SLC16A2: variants seen among roughly 807,000 people sequenced by gnomAD.
SLC16A2 encodes the protein solute carrier family 16 member 2.
Under a neutral mutation model 27.2 loss-of-function variants are expected in SLC16A2, and 3 were observed. The observed-to-expected ratio is 0.11, with a 90% CI of 0.05 to 0.28. The LOEUF (loss-of-function observed/expected upper bound fraction) is 0.28, where lower values mean the gene tolerates loss of function less well. SLC16A2 is among the 10% of genes least tolerant of loss of function. The pLI, the probability that SLC16A2 is intolerant of heterozygous loss-of-function variation, is 1.00. For missense variants in SLC16A2, 295 were observed against 458.5 expected (o/e 0.64, Z 3.26); for synonymous variants, 202 against 187.8 (o/e 1.08, Z -0.62).
chrX:74,489,962 CACACACAT>C (rs1306573758), intron 1 of SLC16A2, among the ~76,000 whole-genome samples: 35 of 41,248 alleles, frequency 8.5e-4, no homozygotes, highest in African/African-American at 3.3e-3. Context: ...TTATAAAGGT[CACACACAT>C]ACACACACAC....
chrX:74,438,538 A>T (rs1430046997), intron 1 of SLC16A2, among the ~76,000 whole-genome samples: 2 of 112,705 alleles, frequency 1.8e-5, no homozygotes, highest in East Asian at 5.6e-4. Context: ...GTGCATACAC[A>T]TACACATTTA....
chrX:74,483,395 G>C (rs937250193), intron 1 of SLC16A2, among the ~76,000 whole-genome samples: 8 of 111,361 alleles, frequency 7.2e-5, no homozygotes, highest in African/African-American at 2.6e-4. Flanking sequence ...ACCCTAAAAG[G>C]GTTCTTCTTA....
At chrX:74,491,690 A>G (rs1180189085) in intron 1 of SLC16A2, among the ~76,000 whole-genome samples, 1 of 112,364 alleles carries the variant, frequency 8.9e-6, no homozygotes, top group Non-Finnish European at 1.9e-5. Context: ...TTTTTGGTTT[A>G]CAGATGGGAG....
At chrX:74,455,262 C>G (rs773747419) in intron 1 of SLC16A2, among the ~76,000 whole-genome samples, 1 of 111,250 alleles carries the variant, frequency 9.0e-6, no homozygotes, top group East Asian at 2.8e-4. Flanking sequence ...AAATACTATA[C>G]GCTTTCATAT....
At chrX:74,488,916 T>G (rs1427345668) in intron 1 of SLC16A2, among the ~76,000 whole-genome samples, 1 of 112,001 alleles carries the variant, frequency 8.9e-6, no homozygotes, top group African/African-American at 3.2e-5. Flanking sequence ...ATATTTACCT[T>G]TTAATAAGAA....
intron 1 of SLC16A2, among the ~76,000 whole-genome samples, chrX:74,485,753 A>T (rs1427638650): frequency 1.8e-5 from 2 of 110,494 alleles, no homozygotes; most frequent in East Asian, 5.6e-4. Context: ...GAACCCGAGC[A>T]CTTAGCCATG....
Position 74,421,906 on chromosome X carries a change from G to A in SLC16A2, c.269G>A (p.Arg90His), listed in dbSNP as rs1205589862. The change falls in exon 1 of 6, where the codon CGC becomes CAC. Residue 90 changes from arginine to histidine, a missense_variant. Arg to His is a conservative substitution (Grantham distance 29, BLOSUM62 0). Around this residue, in one of 3 missense-constraint regions of SLC16A2, gnomAD observed 92 missense variants for 85.1 expected, o/e 1.08. Coordinates refer to ENST00000587091, the MANE Select transcript of SLC16A2 (RefSeq NM_006517.5). Reference sequence around the variant, plus strand: ...ACGGTAGAGACCCGCGGCACCGCGCGCGGCTTCCAGCCTCCCGAAGGTGGC... The same window carrying A: ...ACGGTAGAGACCCGCGGCACCGCGCACGGCTTCCAGCCTCCCGAAGGTGGC... ...TPTVETRGTA[R>H]GFQPPEGGFG... The A allele has an allele frequency of 5.0e-6, 6 of 1,209,376 alleles. No homozygotes were observed. In the South Asian group the frequency reaches 5.3e-5, roughly 11 times the overall value.
chrX:74,463,637 C>T (rs1358715383), intron 1 of SLC16A2, among the ~76,000 whole-genome samples: 2 of 110,988 alleles, frequency 1.8e-5, no homozygotes, highest in African/African-American at 3.3e-5. Context: ...TGCCATTCTC[C>T]TGCCTCAGCC....
chrX:74,478,874 T>C (rs1164898979), intron 1 of SLC16A2, among the ~76,000 whole-genome samples: 7 of 111,919 alleles, frequency 6.3e-5, no homozygotes, highest in African/African-American at 2.3e-4. Context: ...GATGGGCTTC[T>C]CTTTGTGGGT....
At chrX:74,509,036 A>G (rs1168630417) in intron 1 of SLC16A2, among the ~76,000 whole-genome samples, 3 of 110,594 alleles carry the variant, frequency 2.7e-5, no homozygotes, top group African/African-American at 9.9e-5. Flanking sequence ...GATCACACTC[A>G]CTGTAGCCTC....
chrX:74,520,162 G>C (rs1272398555), intron 1 of SLC16A2, among the ~76,000 whole-genome samples: 1 of 112,269 alleles, frequency 8.9e-6, no homozygotes, highest in Non-Finnish European at 1.9e-5. Flanking sequence ...TGATGATGAA[G>C]AGCTGGAAGT....
At chrX:74,467,858 C>T (rs757477974) in intron 1 of SLC16A2, among the ~76,000 whole-genome samples, 11 of 110,990 alleles carry the variant, frequency 9.9e-5, no homozygotes, top group Non-Finnish European at 1.9e-4. Flanking sequence ...CTGGCCATGC[C>T]ATTCAAGTTC....
At chrX:74,437,917 C>T (rs1291249225) in intron 1 of SLC16A2, among the ~76,000 whole-genome samples, 1 of 112,107 alleles carries the variant, frequency 8.9e-6, no homozygotes, top group Non-Finnish European at 1.9e-5. Context: ...ATCTGTGTCC[C>T]ATGAGTGGAT....
intron 2 of SLC16A2, among the ~76,000 whole-genome samples, chrX:74,523,618 A>C (rs368593831): frequency 1.8e-5 from 2 of 111,357 alleles, no homozygotes; most frequent in African/African-American, 6.5e-5. Flanking sequence ...CAGGCCCACA[A>C]ATTCTTTGAG....
intron 1 of SLC16A2, among the ~76,000 whole-genome samples, chrX:74,436,780 G>C (rs1178850210): frequency 8.9e-6 from 1 of 111,900 alleles, no homozygotes; most frequent in Non-Finnish European, 1.9e-5. Flanking sequence ...GAAATTTAGG[G>C]AGTTAGGGGT....
intron 1 of SLC16A2, among the ~76,000 whole-genome samples, chrX:74,513,473 A>G (rs1464886681): frequency 8.9e-6 from 1 of 112,301 alleles, no homozygotes; most frequent in Non-Finnish European, 1.9e-5. Flanking sequence ...GGGAAACTGA[A>G]TATAAGAAAG....
rs1397774273 is a variant in SLC16A2 at position 74,421,704 on chromosome X, C to A, written c.67C>A (p.Gln23Lys). ...GPWQEADQEQQEPVGSPEPES... is the reference protein window; with the variant it reads ...GPWQEADQEQKEPVGSPEPES... ...CTGGCAGGAGGCAGACCAGGAACAG[C>A]AGGAGCCGGTGGGTAGCCCAGAGCC... Residue 23 changes from glutamine (Q) to lysine (K), a missense_variant, in exon 1 of 6, where the codon CAG becomes AAG. Transcript: ENST00000587091. 8.4e-7 allele frequency: 1 copy of A among 1,187,472 alleles called. No homozygotes were observed.
intron 5 of SLC16A2, among the ~76,000 whole-genome samples, chrX:74,530,526 G>A (rs1227555996): frequency 1.8e-5 from 2 of 112,020 alleles, no homozygotes; most frequent in Non-Finnish European, 3.8e-5. Context: ...GTGATATGAG[G>A]GCACTGTGTG....
At chrX:74,511,083 A>G (rs1377263458) in intron 1 of SLC16A2, among the ~76,000 whole-genome samples, 3 of 111,511 alleles carry the variant, frequency 2.7e-5, no homozygotes, top group Non-Finnish European at 5.7e-5. Context: ...AAAAGAAAAC[A>G]AAGTTTTGAA....
Sources: gnomAD v4.1 joint callset for allele counts (sites outside exome capture counted in the v4.1 genomes callset) on GRCh38, gnomAD v4.1.1 for gene constraint, gnomAD v4.1.1 regional missense constraint, MANE v1.5 for transcripts, NCBI Gene and HGNC (gene_info 2026-07-23, HGNC 2026-07-21) for gene names.